The following KRT33A variants were observed in gnomAD, a reference collection of about 807,000 sequenced individuals.
The protein encoded by KRT33A is keratin 33A.
In KRT33A, 44 loss-of-function variants were observed where a neutral mutation model predicts 41.1. The ratio of observed to expected loss-of-function variants is 1.07; its 90% CI spans 0.84 to 1.38. The LOEUF (loss-of-function observed/expected upper bound fraction) is 1.38, where lower values mean the gene tolerates loss of function less well. Among genes scored for constraint, KRT33A ranks in the 40% most tolerant of loss-of-function variants. The pLI, the probability that KRT33A is intolerant of heterozygous loss-of-function variation, is 0.00. For synonymous variants in KRT33A, 229 were observed against 227.8 expected (o/e 1.01, Z -0.05); for missense variants, 536 against 518.5 (o/e 1.03, Z -0.33).
intron 6 of KRT33A, 87 bp from the exon 7 acceptor site, chr17:41,346,323 T>G (rs1287412945): frequency 6.4e-7 from 1 of 1,571,444 alleles, no homozygotes; most frequent in African/African-American, 1.4e-5. Flanking sequence ...GTAAGAATAT[T>G]GTTCCTCCTT....
intron 2 of KRT33A, among the ~76,000 whole-genome samples, chr17:41,348,955 C>A (rs917700306): frequency 6.6e-6 from 1 of 152,000 alleles, no homozygotes; most frequent in East Asian, 1.9e-4. Context: ...GGTGACAGAG[C>A]AAGGCCCTGT....
rs888104140 is a variant in KRT33A, at chr17:41,350,774, G to A, written c.-7C>T. On this transcript the variant is annotated 5_prime_UTR_variant, in exon 1 of 7. Coordinates refer to ENST00000007735, the MANE Select transcript of KRT33A (RefSeq NM_004138.4). ...GGCCACAACTGTAAGACATGGTGCA[G>A]GGAGGGAGTGTCCAGCTGAAGACAG... 6.2e-7 allele frequency: 1 copy of A among 1,607,792 alleles called. No homozygotes were observed. The highest frequency in any genetic ancestry group is 8.5e-7 in the Non-Finnish European group (1 of 1,177,440).
intron 3 of KRT33A, 34 bp downstream of exon 3, chr17:41,348,449 C>A (rs752177788): frequency 1.6e-5 from 26 of 1,612,384 alleles, no homozygotes; most frequent in Non-Finnish European, 2.1e-5. Flanking sequence ...CAGGTCCTGG[C>A]TAGTCTGAGC....
chr17:41,350,397 G>A (rs1250083429), intron 1 of KRT33A, 23 bp downstream of exon 1: 2 of 1,606,594 alleles, frequency 1.2e-6, no homozygotes, highest in South Asian at 2.2e-5. Flanking sequence ...CCTACTGGAG[G>A]CACTGTGTCG....
rs1470404193 is a variant in KRT33A, at chr17:41,348,540, C to T, written c.531G>A (p.Glu177=). The T allele has an allele frequency of 9.9e-6, 16 of 1,613,850 alleles. No individual in the cohort carries two copies. The highest frequency in any genetic ancestry group is 3.3e-5 in the South Asian group (3 of 91,072). The stretch of plus-strand genomic sequence containing the variant: ...CCTCCTTCAGGGACTCCACCTGGGC[C>T]TCCAGGTCAGACCTGCACAGGGTCA... ...DELTLCRSDL[E]AQVESLKEEL... is the part of the protein sequence containing the mutation. The change falls in exon 3 of 7, where the codon GAG becomes GAA. Residue 177 remains glutamate (E), a synonymous_variant. Coordinates refer to ENST00000007735, the MANE Select transcript of KRT33A (RefSeq NM_004138.4).
rs80146185 is a variant in KRT33A, at chr17:41,348,381, C to T, written c.588+102G>A. On this transcript the variant is annotated intron_variant, in intron 3 of 6. Transcript: ENST00000007735. Reference sequence around the variant, plus strand: ...TCCCTTTTTGTATGCAGAATTACTTCCTCAGCTAATTGAGCCTCTACTGAC... The same window carrying T: ...TCCCTTTTTGTATGCAGAATTACTTTCTCAGCTAATTGAGCCTCTACTGAC... 3.9e-4 allele frequency: 463 copies of T among 1,180,004 alleles called. 1 individual carries two copies. The African/African-American group carries it at 6.3e-3, about 16-fold the overall frequency. 73.1% of individuals were successfully genotyped at this position (1,180,004 alleles called of 1,614,324 possible). A position where few individuals can be genotyped will look rare whatever the true frequency, so the allele number is the denominator to read the frequency against.
rs145313693 is a variant in KRT33A, at chr17:41,346,728, G to A, written c.877-60C>T. The A allele has an allele frequency of 8.8e-5, 141 of 1,610,204 alleles. No homozygotes were observed. In the African/African-American group the frequency reaches 1.8e-3, roughly 20 times the overall value. ...GCTCCTTATAAGGTTCCTCCATGGG[G>A]TTCCAAAGAACTCACAAGCTCCAAG... On this transcript the variant is annotated intron_variant, in intron 5 of 6. Transcript: ENST00000007735.
rs143528150 is a variant in KRT33A at position 41,350,668 on chromosome 17, C to T, written c.100G>A (p.Ala34Thr). The T allele has an allele frequency of 4.3e-5, 69 of 1,612,008 alleles. No individual in the cohort carries two copies. Among genetic ancestry groups the T allele is most frequent in the Non-Finnish European group, 5.5e-5 (65 of 1,180,016 alleles). ...CTCACATTGGCGGGGATGTTGCAGG[C>T]CCCGGGCAGGGTGCAGCCGTGGCAG... ...PSCHGCTLPG[A>T]CNIPANVSNC... The change falls in exon 1 of 7, where the codon GCC becomes ACC. Residue 34 changes from alanine to threonine, a missense_variant. Coordinates refer to ENST00000007735, the MANE Select transcript of KRT33A (RefSeq NM_004138.4).
Position 41,350,799 on chromosome 17 carries a change from G to A in KRT33A, c.-32C>T, listed in dbSNP as rs746367708. ...GGGAGGGAGTGTCCAGCTGAAGACA[G>A]AGTCCAAAATCTCCAGGTTGTAGAG... is the stretch of plus-strand genomic sequence containing the variant. On this transcript the variant is annotated 5_prime_UTR_variant, in exon 1 of 7. Coordinates refer to ENST00000007735, the MANE Select transcript of KRT33A (RefSeq NM_004138.4). The A allele has an allele frequency of 1.9e-6, 3 of 1,584,008 alleles. No individual in the cohort carries two copies. In the East Asian group the frequency reaches 6.9e-5, roughly 36 times the overall value.
At position 41,349,360 on chromosome 17, in the gene KRT33A, A is replaced by G. The variant is rs1200430227; in HGVS notation, c.417T>C (p.Asp139=). The G allele has an allele frequency of 1.2e-6, 2 of 1,614,134 alleles. No individual in the cohort carries two copies. Among genetic ancestry groups the G allele is most frequent in the Admixed American group, 1.7e-5 (1 of 60,032 alleles). ...TGCCCACTCACTTGGTCCTGAAGTC[A>G]TCTGAGGCCAGCTTGGCATTGTCGA... The part of the protein sequence containing the change: ...VQIDNAKLAS[D]DFRTKYETEL... The change falls in exon 2 of 7, where the codon GAT becomes GAC. Residue 139 remains aspartate, a synonymous_variant. Coordinates refer to ENST00000007735, the MANE Select transcript of KRT33A (RefSeq NM_004138.4).
At position 41,350,607 on chromosome 17, in the gene KRT33A, C is replaced by T. The variant is rs777777923; in HGVS notation, c.161G>A (p.Gly54Asp). The change falls in exon 1 of 7, where the codon GGC becomes GAC. Residue 54 changes from glycine (G) to aspartate (D), a missense_variant. Physicochemically the swap from Gly to Asp is moderately conservative, Grantham distance 94. Coordinates refer to ENST00000007735, the MANE Select transcript of KRT33A (RefSeq NM_004138.4). ...GAACTGCATGGTCTCCTTCTCACTG[C>T]CATTGAAGGAGCCCTCACAGAACCA... ...CNWFCEGSFNGSEKETMQFLN... is the reference protein window; with the variant it reads ...CNWFCEGSFNDSEKETMQFLN... 6.2e-7 allele frequency: 1 copy of T among 1,613,088 alleles called. No individual in the cohort carries two copies. Among genetic ancestry groups the T allele is most frequent in the South Asian group, 1.1e-5 (1 of 91,062 alleles).
intron 3 of KRT33A, among the ~76,000 whole-genome samples, 192 bp downstream of exon 3, chr17:41,348,291 C>T (rs1166390519): frequency 1.3e-5 from 2 of 152,240 alleles, no homozygotes; most frequent in East Asian, 3.8e-4. Context: ...CACTCTCATT[C>T]CTGCCTCTGG....
Position 41,349,331 on chromosome 17 carries a change from C to T in KRT33A, c.431+15G>A, listed in dbSNP as rs149836647. 1.2e-4 allele frequency: 194 copies of T among 1,613,214 alleles called. No individual in the cohort carries two copies. The African/African-American group carries it at 2.1e-3, about 17-fold the overall frequency. ...AGAAGAGAAATAAACAGCAACACCCCGCTTGCCCACTCACTTGGTCCTGAA... is the reference window on the plus strand; with the variant it reads ...AGAAGAGAAATAAACAGCAACACCCTGCTTGCCCACTCACTTGGTCCTGAA... On this transcript the variant is annotated intron_variant, in intron 2 of 6. Coordinates refer to ENST00000007735, the MANE Select transcript of KRT33A (RefSeq NM_004138.4).
chr17:41,347,093 G>A lies in KRT33A; in HGVS notation c.718C>T (p.Arg240Cys), dbSNP rs771802616. ...GCGAACCATTGCTCCACTTCCCTGC[G>A]GTTGGTTTCCACCAGGGCCTCATAC... ...SQYEALVETN[R>C]REVEQWFATQ... The change falls in exon 4 of 7, where the codon CGC becomes TGC. Residue 240 changes from arginine (R) to cysteine (C), a missense_variant. Arg to Cys is a radical substitution (Grantham distance 180, BLOSUM62 -3). Coordinates refer to ENST00000007735, the MANE Select transcript of KRT33A (RefSeq NM_004138.4). The A allele has an allele frequency of 1.2e-5, 19 of 1,614,088 alleles. No homozygotes were observed. Among genetic ancestry groups the A allele is most frequent in the South Asian group, 3.3e-5 (3 of 91,068 alleles).
Position 41,350,807 on chromosome 17 carries a change from A to C in KRT33A, c.-40T>G. On this transcript the variant is annotated 5_prime_UTR_variant, in exon 1 of 7. In the 5' UTR this introduces an upstream ATG that the reference lacks. Transcript: ENST00000007735. The stretch of plus-strand genomic sequence containing the variant: ...GTGTCCAGCTGAAGACAGAGTCCAA[A>C]ATCTCCAGGTTGTAGAGCGGTGGGT... 4 of 1,573,932 alleles carry C rather than the reference A, an allele frequency of 2.5e-6. No individual in the cohort carries two copies. Among genetic ancestry groups the C allele is most frequent in the Non-Finnish European group, 3.4e-6 (4 of 1,159,442 alleles).
At position 41,346,933 on chromosome 17, in the gene KRT33A, C is replaced by G. The variant is rs2017432059; in HGVS notation, c.787G>C (p.Glu263Gln). 1.2e-6 allele frequency: 2 copies of G among 1,613,304 alleles called. No homozygotes were observed. Among genetic ancestry groups the G allele is most frequent in the Non-Finnish European group, 1.7e-6 (2 of 1,180,028 alleles). ...TCCGCCTGGTAGGACTGCAGCTGCTCCGAGCTGGATACCACCTGCTTGTTC... is the reference window on the plus strand; with the variant it reads ...TCCGCCTGGTAGGACTGCAGCTGCTGCGAGCTGGATACCACCTGCTTGTTC... ...ELNKQVVSSS[E>Q]QLQSYQAEII... is the part of the protein sequence containing the mutation. Residue 263 changes from glutamate (E) to glutamine (Q), a missense_variant, in exon 5 of 7, where the codon GAG becomes CAG. By Grantham distance (29) the Glu-to-Gln change is conservative. Coordinates refer to ENST00000007735, the MANE Select transcript of KRT33A (RefSeq NM_004138.4).
chr17:41,348,385 A>G, intron 3 of KRT33A, 98 bp downstream of exon 3: 3 of 1,223,460 alleles, frequency 2.5e-6, no homozygotes, highest in Non-Finnish European at 3.5e-6. Flanking sequence ...TTACTTCCTC[A>G]GCTAATTGAG....
rs199783844 is a variant in KRT33A, at chr17:41,350,497, G to A, written c.271C>T (p.Arg91Trp). 53 of 1,613,950 alleles carry A rather than the reference G, an allele frequency of 3.3e-5. No homozygotes were observed. The highest frequency in any genetic ancestry group is 1.7e-4 in the Admixed American group (10 of 59,988). ...ACCAAGGGCTCCTGCTGCTGTGACC[G>A]CTCCCGGATGAGGTTCTCCAGCTCC... ...NAELENLIRE[R>W]SQQQEPLVCA... Residue 91 changes from arginine to tryptophan, a missense_variant, in exon 1 of 7, where the codon CGG becomes TGG. Physicochemically the swap from Arg to Trp is moderately radical, Grantham distance 101. Coordinates refer to ENST00000007735, the MANE Select transcript of KRT33A (RefSeq NM_004138.4).
intron 3 of KRT33A, among the ~76,000 whole-genome samples, chr17:41,347,771 C>T (rs754860858): frequency 1.2e-4 from 19 of 152,300 alleles, no homozygotes; most frequent in East Asian, 7.7e-4. Context: ...TGGGCTTAGG[C>T]GGATTTCAGA....
Sources: allele counts gnomAD v4.1 joint callset (sites outside exome capture counted in the v4.1 genomes callset), GRCh38; gene constraint gnomAD v4.1.1; transcripts MANE v1.5; gene names NCBI Gene and HGNC (gene_info 2026-07-23, HGNC 2026-07-21).